Variants in ZNF212 observed in about 807,000 individuals in gnomAD.
ZNF212 encodes the protein zinc finger protein 212, also known as Zinc finger protein C2H2-150.
ZNF212 carries 32 observed loss-of-function variants against 47.3 expected under a neutral mutation model. That is an observed-to-expected ratio of 0.68 (90% CI 0.51 to 0.91). The LOEUF (loss-of-function observed/expected upper bound fraction) is 0.91. Ranked by LOEUF, ZNF212 falls within the 40% of genes least tolerant of loss-of-function variation. ZNF212 has a pLI of 0.00. For missense variants in ZNF212, 555 were observed against 622.8 expected (o/e 0.89, Z 1.16); for synonymous variants, 242 against 253.8 (o/e 0.95, Z 0.44).
At chr7:149,244,515 A>G (rs111608224) in intron 1 of ZNF212, among the ~76,000 whole-genome samples, 72 of 151,728 alleles carry the variant, frequency 4.7e-4, no homozygotes, top group East Asian at 3.3e-3. Context: ...GGGTTTCACC[A>G]TGTTAGCCAG....
rs1796741213 is a variant in ZNF212 at position 149,250,702 on chromosome 7, G to T, written c.436G>T (p.Asp146Tyr). 4.3e-6 allele frequency: 7 copies of T among 1,614,260 alleles called. No homozygotes were observed. The highest frequency in any genetic ancestry group is 1.6e-4 in the Middle Eastern group (1 of 6,062). The change falls in exon 3 of 5, where the codon GAT (aspartate) becomes TAT (tyrosine). Residue 146 changes from aspartate (D) to tyrosine (Y), a missense_variant. By Grantham distance (160) the Asp-to-Tyr change is radical. Coordinates refer to ENST00000335870, the MANE Select transcript of ZNF212 (RefSeq NM_012256.4). ...APKVSRSLENDGVCFTEQEWE... is the reference protein window; with the variant it reads ...APKVSRSLENYGVCFTEQEWE... ...CCAGGTGTCCAGGTCACTGGAGAAT[G>T]ATGGCGTCTGTTTCACCGAGCAGGA...
In ZNF212 at chr7:149,253,773, C is replaced by G. The variant is rs1432952532; in HGVS notation, c.846C>G (p.Ser282Arg). 2 of 1,614,066 alleles carry G rather than the reference C, an allele frequency of 1.2e-6. No homozygotes were observed. The highest frequency in any genetic ancestry group is 2.2e-5 in the South Asian group (2 of 91,078). Reference sequence around the variant, plus strand: ...TTGGTAGTAGAGTTCCTAGCAGCAGCAGAACTGTGGGCTGCCCGAAGCAGA... The same window carrying G: ...TTGGTAGTAGAGTTCCTAGCAGCAGGAGAACTGTGGGCTGCCCGAAGCAGA... ...EPVGSRVPSS[S>R]RTVGCPKQKS... The change falls in exon 5 of 5, where the codon AGC (serine) becomes AGG (arginine). Residue 282 changes from serine to arginine, a missense_variant. By Grantham distance (110) the Ser-to-Arg change is moderately radical (BLOSUM62 -1). Coordinates refer to ENST00000335870, the MANE Select transcript of ZNF212 (RefSeq NM_012256.4).
intron 1 of ZNF212, 77 bp from the exon 2 acceptor site, chr7:149,250,082 G>A: frequency 2.9e-6 from 4 of 1,364,724 alleles, no homozygotes; most frequent in Non-Finnish European, 3.8e-6. Flanking sequence ...ATAACTCTGA[G>A]CACTGATACA....
intron 4 of ZNF212, 45 bp from the exon 5 acceptor site, chr7:149,253,514 G>T (rs778554757): frequency 6.4e-7 from 1 of 1,560,390 alleles, no homozygotes; most frequent in Non-Finnish European, 8.7e-7. Context: ...GAAACCAAAG[G>T]TACTAGAATG....
chr7:149,250,586 G>A (rs776352855), intron 2 of ZNF212, 38 bp downstream of exon 2: 1 of 1,603,514 alleles, frequency 6.2e-7, no homozygotes, highest in African/African-American at 1.3e-5. Context: ...AAGAGAAGGG[G>A]GAGCCAGCCC....
chr7:149,242,577 A>G (rs537644893), intron 1 of ZNF212, among the ~76,000 whole-genome samples: 2 of 152,284 alleles, frequency 1.3e-5, no homozygotes, highest in East Asian at 3.9e-4. Flanking sequence ...CTACCAATAC[A>G]CTCTTAGAAA....
intron 1 of ZNF212, among the ~76,000 whole-genome samples, chr7:149,240,696 G>A (rs762477964): frequency 3.2e-4 from 49 of 152,198 alleles, no homozygotes; most frequent in Non-Finnish European, 4.8e-4. Flanking sequence ...GTTTGCAACG[G>A]AAGGGGCAGC....
At chr7:149,252,818 G>A in intron 4 of ZNF212, 23 bp downstream of exon 4, 3 of 1,610,956 alleles carry the variant, frequency 1.9e-6, no homozygotes, top group South Asian at 1.1e-5. Context: ...GGAATATTCT[G>A]TTCCCCTTCC....
At chr7:149,253,020 T>C (rs1241621444) in intron 4 of ZNF212, among the ~76,000 whole-genome samples, 1 of 152,142 alleles carries the variant, frequency 6.6e-6, no homozygotes, top group African/African-American at 2.4e-5. Context: ...TTATTCTTCA[T>C]GCCCTACAGA....
At chr7:149,245,992 A>T (rs1019345954) in intron 1 of ZNF212, among the ~76,000 whole-genome samples, 1 of 152,168 alleles carries the variant, frequency 6.6e-6, no homozygotes, top group Non-Finnish European at 1.5e-5. Context: ...CTGATGGGTG[A>T]ACGTGCTTTC....
intron 1 of ZNF212, 167 bp downstream of exon 1, chr7:149,239,969 C>G: frequency 1.3e-6 from 1 of 781,696 alleles, no homozygotes; most frequent in Non-Finnish European, 1.7e-6. Context: ...GTGCTCTGCC[C>G]TTTTTTCCCT....
At chr7:149,243,120 G>T (rs577795232) in intron 1 of ZNF212, among the ~76,000 whole-genome samples, 2 of 152,184 alleles carry the variant, frequency 1.3e-5, no homozygotes, top group Non-Finnish European at 2.9e-5. Flanking sequence ...CCGGCTGGGC[G>T]TGGTGGCTCA....
chr7:149,254,448 G>A lies in ZNF212; in HGVS notation c.*33G>A. 4.5e-6 allele frequency: 7 copies of A among 1,552,460 alleles called. No homozygotes were observed. Among genetic ancestry groups the A allele is most frequent in the Non-Finnish European group, 5.2e-6 (6 of 1,158,712 alleles). On this transcript the variant is annotated 3_prime_UTR_variant, in exon 5 of 5. Transcript: ENST00000335870. This position sits in a 1 kb window ranked among gnomAD's most constrained non-coding sequence, Gnocchi z 4.5. ...GCCCCTCGCCCGTCTGGGGGATGGAGGGGGGTGGCATTGGTTCCCCCGAAG... is the reference window on the plus strand; with the variant it reads ...GCCCCTCGCCCGTCTGGGGGATGGAAGGGGGTGGCATTGGTTCCCCCGAAG...
Position 149,250,483 on chromosome 7 carries a change from C to G in ZNF212, c.349C>G (p.Leu117Val), listed in dbSNP as rs768853564. The stretch of plus-strand genomic sequence containing the variant: ...GAGGCGGCTGGAGAACGTGGAGAAC[C>G]TGCTGCGCAACAGGAACTTCTGGAT... The part of the protein sequence containing the change: ...LQRRLENVEN[L>V]LRNRNFWILR... The change falls in exon 2 of 5, where the codon CTG becomes GTG. Residue 117 changes from leucine to valine, a missense_variant. Transcript: ENST00000335870. 3 of 1,614,092 alleles carry G rather than the reference C, an allele frequency of 1.9e-6. No homozygotes were observed. Among genetic ancestry groups the G allele is most frequent in the Non-Finnish European group, 2.5e-6 (3 of 1,180,030 alleles).
At chr7:149,244,514 C>T (rs886504189) in intron 1 of ZNF212, among the ~76,000 whole-genome samples, 1 of 151,836 alleles carries the variant, frequency 6.6e-6, no homozygotes, top group Non-Finnish European at 1.5e-5. Flanking sequence ...GGGGTTTCAC[C>T]ATGTTAGCCA....
chr7:149,239,722 G>A lies in ZNF212; in HGVS notation c.-57G>A. ...CAGGCTCTGGGGCGCCGAGCGGACA[G>A]GAACGCAGCACGGGGGCTCCGAGGC... On this transcript the variant is annotated 5_prime_UTR_variant, in exon 1 of 5. Transcript: ENST00000335870. 7.8e-7 allele frequency: 1 copy of A among 1,284,432 alleles called. No individual in the cohort carries two copies. The highest frequency in any genetic ancestry group is 9.9e-7 in the Non-Finnish European group (1 of 1,010,854). 79.6% of individuals were successfully genotyped at this position (1,284,432 alleles called of 1,614,324 possible).
chr7:149,250,500 C>T lies in ZNF212; in HGVS notation c.366C>T (p.Asn122=). ...TGGAGAACCTGCTGCGCAACAGGAA[C>T]TTCTGGATCCTGCGGCTGCCCCCGG... The part of the protein sequence containing the change: ...ENVENLLRNR[N]FWILRLPPGS... Residue 122 remains asparagine, a synonymous_variant, in exon 2 of 5, where the codon AAC becomes AAT. Coordinates refer to ENST00000335870, the MANE Select transcript of ZNF212 (RefSeq NM_012256.4). 1 of 1,614,004 alleles carries T rather than the reference C, an allele frequency of 6.2e-7. No homozygotes were observed. Among genetic ancestry groups the T allele is most frequent in the Non-Finnish European group, 8.5e-7 (1 of 1,179,962 alleles).
rs868848637 is a variant in ZNF212 at position 149,253,825 on chromosome 7, C to A, written c.898C>A (p.Gln300Lys). Residue 300 changes from glutamine (Q) to lysine (K), a missense_variant, in exon 5 of 5, where the codon CAG (glutamine) becomes AAG (lysine). By Grantham distance (53) the Gln-to-Lys change is moderately conservative. Transcript: ENST00000335870. ...QKSHRQVQLD[Q>K]ECGQGLKLKK... ...ATCTCATAGGCAGGTACAGCTGGAC[C>A]AGGAATGTGGGCAGGGCCTGAAGCT... The A allele has an allele frequency of 1.2e-5, 19 of 1,613,880 alleles. No individual in the cohort carries two copies. In the Middle Eastern group the frequency reaches 4.9e-4, roughly 42 times the overall value.
chr7:149,239,794 C>A lies in ZNF212; in HGVS notation c.16C>A (p.Pro6Thr). 7.8e-7 allele frequency: 1 copy of A among 1,273,914 alleles called. No individual in the cohort carries two copies. Among genetic ancestry groups the A allele is most frequent in the Non-Finnish European group, 1.0e-6 (1 of 1,002,276 alleles). 78.9% of individuals were successfully genotyped at this position (1,273,914 alleles called of 1,614,324 possible). A position where few individuals can be genotyped will look rare whatever the true frequency, so the allele number is the denominator to read the frequency against. Residue 6 changes from proline (P) to threonine (T), a missense_variant, in exon 1 of 5, where the codon CCT (proline) becomes ACT (threonine). Transcript: ENST00000335870. Reference sequence around the variant, plus strand: ...GACTGGAGCCATGGCGGAGTCGGCGCCTGCTCGGGTAAAGAGGCACCGGCG... The same window carrying A: ...GACTGGAGCCATGGCGGAGTCGGCGACTGCTCGGGTAAAGAGGCACCGGCG... MAESA[P>T]ARHRRKRRST...
Sources: gnomAD v4.1 joint callset for allele counts (sites outside exome capture counted in the v4.1 genomes callset) on GRCh38, gnomAD v4.1.1 for gene constraint, Gnocchi (gnomAD v3.1) non-coding constraint, MANE v1.5 for transcripts, NCBI Gene and HGNC (gene_info 2026-07-23, HGNC 2026-07-21) for gene names.